TMTC2: variants seen among roughly 807,000 people sequenced by gnomAD.
TMTC2 encodes the protein transmembrane O-mannosyltransferase targeting cadherins 2.
In TMTC2, 43 loss-of-function variants were observed where a neutral mutation model predicts 82.4. That is an observed-to-expected ratio of 0.52 (90% confidence interval 0.41 to 0.67). The LOEUF (loss-of-function observed/expected upper bound fraction) is 0.67. TMTC2 is among the 30% of genes least tolerant of loss of function. The pLI, the probability that TMTC2 is intolerant of heterozygous loss-of-function variation, is 0.00. For synonymous variants in TMTC2, 408 were observed against 381.9 expected, an observed-to-expected ratio of 1.07 and a Z score of -0.80; for missense variants, 919 against 1,012.4, an observed-to-expected ratio of 0.91 and a Z score of 1.25.
intron 1 of TMTC2, among the ~76,000 whole-genome samples, chr12:82,703,838 A>C (rs1873216504): frequency 6.6e-6 from 1 of 152,218 alleles, no homozygotes; most frequent in African/African-American, 2.4e-5. Context: ...CAGAGCATCA[A>C]ATAAGCTTTT....
At chr12:82,975,781 C>T (rs551730951) in intron 7 of TMTC2, among the ~76,000 whole-genome samples, 5 of 152,040 alleles carry the variant, frequency 3.3e-5, no homozygotes, top group East Asian at 1.9e-4. Context: ...TTTCTTTTAT[C>T]GTTTTCCTGC....
intron 7 of TMTC2, among the ~76,000 whole-genome samples, chr12:82,969,614 G>A (rs1878363884): frequency 1.3e-5 from 2 of 152,070 alleles, no homozygotes; most frequent in African/African-American, 2.4e-5. Flanking sequence ...CATGCCAATC[G>A]ACTTATCCTG....
At chr12:82,742,877 T>C (rs1179370174) in intron 1 of TMTC2, among the ~76,000 whole-genome samples, 1 of 152,100 alleles carries the variant, frequency 6.6e-6, no homozygotes. Flanking sequence ...TTAACACCAC[T>C]TCACCATTTC....
Position 82,896,463 on chromosome 12 carries a change from C to G in TMTC2, c.1300C>G (p.Leu434Val). Residue 434 changes from leucine to valine, a missense_variant, in exon 3 of 12, where the codon CTG (leucine) becomes GTG (valine). Coordinates refer to ENST00000321196, the MANE Select transcript of TMTC2 (RefSeq NM_152588.3). ...LYIPSMGFCL[L>V]ITVGARALYV... Reference sequence around the variant, plus strand: ...TATTCCTAGTATGGGCTTCTGCCTACTGATTACAGTGGGTGCTAGAGCCCT... The same window carrying G: ...TATTCCTAGTATGGGCTTCTGCCTAGTGATTACAGTGGGTGCTAGAGCCCT... 6.2e-7 allele frequency: 1 copy of G among 1,614,164 alleles called. No homozygotes were observed. Among genetic ancestry groups the G allele is most frequent in the South Asian group, 1.1e-5 (1 of 91,084 alleles).
At chr12:82,965,130 TA>T in intron 5 of TMTC2, 21 bp downstream of exon 5, 2 of 1,529,140 alleles carry the variant, frequency 1.3e-6, no homozygotes, top group Non-Finnish European at 1.8e-6. Flanking sequence ...CTCAAGTGTT[TA>T]TTTTTTTATA....
intron 9 of TMTC2, among the ~76,000 whole-genome samples, chr12:83,049,813 T>G (rs1480873838): frequency 2.6e-5 from 4 of 152,174 alleles, no homozygotes; most frequent in Admixed American, 2.6e-4. Context: ...TCTGCAACCT[T>G]GCCAGCATCT....
At chr12:82,769,838 T>C (rs1877188522) in intron 1 of TMTC2, among the ~76,000 whole-genome samples, 1 of 152,136 alleles carries the variant, frequency 6.6e-6, no homozygotes. Context: ...CTTGAACTCC[T>C]GACCTCAGTG....
rs1592662565 is a variant in TMTC2 at position 82,965,882 on chromosome 12, G to A, written c.1869+138G>A. ...TACACGTTAAACTATTGTCCTTTGA[G>A]AAACTAATACATGATGACATTGGAA... On this transcript the variant is annotated intron_variant, in intron 6 of 11. Coordinates refer to ENST00000321196, the MANE Select transcript of TMTC2 (RefSeq NM_152588.3). 1.3e-5 allele frequency: 11 copies of A among 838,556 alleles called. No homozygotes were observed. In the East Asian group the frequency reaches 2.6e-4, roughly 20 times the overall value. The allele number at this position is 838,556 out of a possible 1,614,324, so 51.9% of individuals were successfully genotyped here. A position where few individuals can be genotyped will look rare whatever the true frequency, so the allele number is the denominator to read the frequency against.
At chr12:83,079,610 A>G (rs1251042352) in intron 11 of TMTC2, among the ~76,000 whole-genome samples, 2 of 152,174 alleles carry the variant, frequency 1.3e-5, no homozygotes, top group Non-Finnish European at 2.9e-5. Context: ...CAGACCAGCA[A>G]TAACGAATAA....
chr12:83,128,734 C>G (rs1885171474), intron 11 of TMTC2, among the ~76,000 whole-genome samples: 1 of 152,130 alleles, frequency 6.6e-6, no homozygotes, highest in Non-Finnish European at 1.5e-5. Flanking sequence ...ATGCAACTCC[C>G]TGGACTATAG....
At chr12:83,020,999 A>G (rs1018746621) in intron 8 of TMTC2, among the ~76,000 whole-genome samples, 3 of 152,214 alleles carry the variant, frequency 2.0e-5, no homozygotes, top group Non-Finnish European at 4.4e-5. Context: ...GTATTTAAAT[A>G]CATATTTATG....
intron 8 of TMTC2, among the ~76,000 whole-genome samples, chr12:83,021,585 A>AC (rs1242948761): frequency 2.4e-5 from 3 of 127,256 alleles, no homozygotes; most frequent in Non-Finnish European, 5.2e-5. Context: ...ACAGAGTGAG[A>AC]CCCCATCTAT....
At chr12:82,943,793 T>A (rs1181238364) in intron 4 of TMTC2, among the ~76,000 whole-genome samples, 1 of 152,194 alleles carries the variant, frequency 6.6e-6, no homozygotes, top group Non-Finnish European at 1.5e-5. Context: ...AAATACTGAG[T>A]ACCTTCAGAG....
At chr12:82,914,632 G>T (rs1874889419) in intron 3 of TMTC2, among the ~76,000 whole-genome samples, 1 of 152,026 alleles carries the variant, frequency 6.6e-6, no homozygotes, top group Non-Finnish European at 1.5e-5. Flanking sequence ...CATGAGCATA[G>T]ATAATGAATA....
intron 7 of TMTC2, among the ~76,000 whole-genome samples, chr12:82,970,889 T>A (rs981319427): frequency 6.6e-6 from 1 of 152,194 alleles, no homozygotes; most frequent in Non-Finnish European, 1.5e-5. Flanking sequence ...TTAACCTAAC[T>A]TGGTTTCATT....
At chr12:82,832,304 C>T (rs1869790653) in intron 1 of TMTC2, among the ~76,000 whole-genome samples, 1 of 150,978 alleles carries the variant, frequency 6.6e-6, no homozygotes, top group Admixed American at 6.6e-5. Context: ...CTTGCTTCCT[C>T]ATTCTCCCTT....
At chr12:82,750,330 C>G (rs1467607426) in intron 1 of TMTC2, among the ~76,000 whole-genome samples, 2 of 151,672 alleles carry the variant, frequency 1.3e-5, no homozygotes, top group East Asian at 3.9e-4. Flanking sequence ...AACTAGCATG[C>G]TTGTTTAAGA....
chr12:82,719,085 A>ATATATATATATATATATT (rs1282211374), intron 1 of TMTC2, among the ~76,000 whole-genome samples: 1 of 41,404 alleles, frequency 2.4e-5, no homozygotes, highest in East Asian at 9.7e-4. Context: ...ATATATATAT[A>ATATATATATATATATATT]TTTTTTTTTT....
intron 11 of TMTC2, among the ~76,000 whole-genome samples, chr12:83,065,462 ATAGT>A (rs1387627448): frequency 6.6e-6 from 1 of 152,056 alleles, no homozygotes; most frequent in South Asian, 2.1e-4. Flanking sequence ...ACCAAAATAC[ATAGT>A]TAGAGAAGTC....
Sources: gnomAD v4.1 joint callset for allele counts (sites outside exome capture counted in the v4.1 genomes callset) on GRCh38, gnomAD v4.1.1 for gene constraint, MANE v1.5 for transcripts, NCBI Gene and HGNC (gene_info 2026-07-23, HGNC 2026-07-21) for gene names.